TAF2: variants seen among roughly 807,000 people sequenced by gnomAD.
The protein encoded by TAF2 is TATA-box binding protein associated factor 2.
Under a neutral mutation model 138.5 loss-of-function variants are expected in TAF2, and 61 were observed. The ratio of observed to expected loss-of-function variants is 0.44; its 90% CI spans 0.36 to 0.54. The LOEUF is 0.54. Ranked by LOEUF, TAF2 falls within the 20% of genes least tolerant of loss-of-function variation. TAF2 has a pLI of 0.00. For synonymous variants in TAF2, 475 were observed against 469.9 expected (o/e 1.01, Z -0.14); for missense variants, 1,090 against 1,427.9 (o/e 0.76, Z 3.81).
chr8:119,789,489 A>G lies in TAF2; in HGVS notation c.1568+103T>C, dbSNP rs1823267898. The stretch of plus-strand genomic sequence containing the variant: ...CATTGTTTAGAAATATAAACAGTTC[A>G]TACTTCCTTGAGTCCCCCTCAAACC... On this transcript the variant is annotated intron_variant, in intron 12 of 25. Transcript: ENST00000378164. 7 of 1,362,086 alleles carry G rather than the reference A, an allele frequency of 5.1e-6. No individual in the cohort carries two copies. In the Admixed American group the frequency reaches 1.2e-4, roughly 23 times the overall value. 84.4% of individuals were successfully genotyped at this position (1,362,086 alleles called of 1,614,324 possible).
At chr8:119,830,579 T>C (rs1826382439) in intron 2 of TAF2, among the ~76,000 whole-genome samples, 3 of 152,178 alleles carry the variant, frequency 2.0e-5, no homozygotes, top group African/African-American at 7.2e-5. Flanking sequence ...AGAAATTCCA[T>C]AAACGAGGAG....
chr8:119,732,102 G>A lies in TAF2; in HGVS notation c.3422C>T (p.Ser1141Phe). ...LSVFTKESTA[S>F]KHSDHHHHHH... ...GTGGTGATGGTGGTCACTGTGTTTG[G>A]AGGCTGTAGATTCCTTAGTAAAGAC... is the stretch of plus-strand genomic sequence containing the variant. The change falls in exon 26 of 26, where the codon TCC (serine) becomes TTC (phenylalanine). Residue 1141 changes from serine (S) to phenylalanine (F), a missense_variant. Ser to Phe is a radical substitution (Grantham distance 155, BLOSUM62 -2). Around this residue, in one of 3 missense-constraint regions of TAF2, gnomAD observed 580 missense variants for 719.6 expected, o/e 0.81. Transcript: ENST00000378164. The A allele has an allele frequency of 6.2e-7, 1 of 1,614,102 alleles. No individual in the cohort carries two copies. Among genetic ancestry groups the A allele is most frequent in the Non-Finnish European group, 8.5e-7 (1 of 1,179,994 alleles).
At chr8:119,790,663 G>C (rs532988725) in intron 11 of TAF2, among the ~76,000 whole-genome samples, 1 of 152,094 alleles carries the variant, frequency 6.6e-6, no homozygotes, top group Non-Finnish European at 1.5e-5. Flanking sequence ...AAAATTTAGC[G>C]ATAGCAAAAA....
intron 18 of TAF2, among the ~76,000 whole-genome samples, chr8:119,775,070 A>G (rs1822125962): frequency 6.6e-6 from 1 of 151,960 alleles, no homozygotes; most frequent in Admixed American, 6.6e-5. Context: ...CACAAGGTCA[A>G]GAGAACGAGA....
At chr8:119,821,428 GA>G (rs1322539927) in intron 2 of TAF2, among the ~76,000 whole-genome samples, 3 of 152,108 alleles carry the variant, frequency 2.0e-5, no homozygotes, top group Non-Finnish European at 4.4e-5. Flanking sequence ...TGCCTTAAAT[GA>G]AATGGTTCCT....
At chr8:119,738,961 C>T (rs1446785484) in intron 25 of TAF2, among the ~76,000 whole-genome samples, 5 of 148,690 alleles carry the variant, frequency 3.4e-5, no homozygotes, top group African/African-American at 1.2e-4. Flanking sequence ...GTTTTTTGTA[C>T]TGGTTTCAAA....
At chr8:119,782,413 T>C (rs1822730814) in intron 16 of TAF2, among the ~76,000 whole-genome samples, 1 of 152,226 alleles carries the variant, frequency 6.6e-6, no homozygotes, top group Non-Finnish European at 1.5e-5. Context: ...TATAGAAACA[T>C]TGAAATTATA....
At chr8:119,763,807 T>C (rs563854716) in intron 18 of TAF2, among the ~76,000 whole-genome samples, 9 of 151,812 alleles carry the variant, frequency 5.9e-5, no homozygotes, top group East Asian at 3.9e-4. Context: ...TGAGCCACGA[T>C]TGCACCACCG....
chr8:119,754,625 GT>G (rs1820575609), intron 22 of TAF2, among the ~76,000 whole-genome samples: 1 of 151,860 alleles, frequency 6.6e-6, no homozygotes, highest in South Asian at 2.1e-4. Flanking sequence ...GGAGGTTGCA[GT>G]AAGCTGAGAT....
At chr8:119,819,209 G>T in intron 3 of TAF2, 137 bp downstream of exon 3, 2 of 877,290 alleles carry the variant, frequency 2.3e-6, no homozygotes, top group East Asian at 2.5e-5. Context: ...TGTACAGAGT[G>T]GTAAAACAGA....
At chr8:119,771,343 C>T (rs1012852150) in intron 18 of TAF2, among the ~76,000 whole-genome samples, 2 of 152,052 alleles carry the variant, frequency 1.3e-5, no homozygotes, top group African/African-American at 4.8e-5. Flanking sequence ...TCAAGTGACT[C>T]TCCTGCCTCA....
chr8:119,796,944 T>G (rs759753959), intron 8 of TAF2, 46 bp downstream of exon 8: 3 of 1,368,944 alleles, frequency 2.2e-6, no homozygotes, highest in Non-Finnish European at 3.1e-6. Flanking sequence ...AAAAGAAAAA[T>G]AAACTTGATT....
chr8:119,774,039 C>T lies in TAF2; in HGVS notation c.2364+3980G>A, dbSNP rs185455750. On this transcript the variant is annotated intron_variant, in intron 18 of 25. Coordinates refer to ENST00000378164, the MANE Select transcript of TAF2 (RefSeq NM_003184.4). ...ACAAAAAATTAGCCGGGTGTGGTGGCGGGTGCCTGTAATCCCAGCTACTCG... is the reference window on the plus strand; with the variant it reads ...ACAAAAAATTAGCCGGGTGTGGTGGTGGGTGCCTGTAATCCCAGCTACTCG... 9.2e-3 allele frequency among the ~76,000 whole-genome samples: 1,390 copies of T among 151,378 alleles called. 20 individuals are homozygous for T. The highest frequency in any genetic ancestry group is 0.032 in the African/African-American group (1,323 of 41,476).
intron 22 of TAF2, among the ~76,000 whole-genome samples, chr8:119,755,005 G>A (rs1820599676): frequency 6.6e-6 from 1 of 152,170 alleles, no homozygotes; most frequent in South Asian, 2.1e-4. Flanking sequence ...TTTCATATGA[G>A]CCAGACACTG....
intron 22 of TAF2, among the ~76,000 whole-genome samples, chr8:119,752,896 T>G (rs1190656768): frequency 6.6e-6 from 1 of 152,198 alleles, no homozygotes; most frequent in East Asian, 1.9e-4. Context: ...GTTTTTGTTT[T>G]CCAGATAACG....
At chr8:119,832,066 G>A (rs77087404) in intron 1 of TAF2, among the ~76,000 whole-genome samples, 15,241 of 152,176 alleles carry the variant, frequency 0.1, 1,152 homozygotes, top group African/African-American at 0.21. Flanking sequence ...GGCTGAGCCA[G>A]GAGAAAAGCT....
intron 23 of TAF2, 31 bp downstream of exon 23, chr8:119,746,674 C>T: frequency 6.2e-7 from 1 of 1,602,300 alleles, no homozygotes; most frequent in Non-Finnish European, 8.6e-7. Flanking sequence ...TATAATGAAA[C>T]TACGTCTTCT....
At chr8:119,792,523 T>C (rs972542159) in intron 10 of TAF2, among the ~76,000 whole-genome samples, 1 of 152,138 alleles carries the variant, frequency 6.6e-6, no homozygotes, top group African/African-American at 2.4e-5. Context: ...ACAATTCTGA[T>C]TAGTACCACA....
intron 2 of TAF2, among the ~76,000 whole-genome samples, chr8:119,830,624 A>G (rs531398675): frequency 1.3e-5 from 2 of 152,308 alleles, no homozygotes; most frequent in Admixed American, 6.5e-5. Context: ...AACATTACAA[A>G]TCTAAGATTC....
Sources: allele counts gnomAD v4.1 joint callset (sites outside exome capture counted in the v4.1 genomes callset), GRCh38; gene constraint gnomAD v4.1.1; regional missense constraint gnomAD v4.1.1; transcripts MANE v1.5; gene names NCBI Gene and HGNC (gene_info 2026-07-23, HGNC 2026-07-21).